Variants in ADAMTS9 observed in about 807,000 individuals in gnomAD.
ADAMTS9 encodes the protein ADAM metallopeptidase with thrombospondin type 1 motif 9.
In ADAMTS9, 107 loss-of-function variants were observed where a neutral mutation model predicts 257.1. The ratio of observed to expected loss-of-function variants is 0.42; its 90% CI spans 0.36 to 0.49. The LOEUF is 0.49. Among genes scored for constraint, ADAMTS9 ranks in the 20% least tolerant of loss-of-function variants. ADAMTS9 has a pLI of 0.03. For missense variants in ADAMTS9, 2,353 were observed against 2,469.1 expected, an observed-to-expected ratio of 0.95 and a Z score of 1.00; for synonymous variants, 982 against 880.9, an observed-to-expected ratio of 1.11 and a Z score of -2.03.
At chr3:64,622,109 A>C in intron 18 of ADAMTS9, 89 bp downstream of exon 18, 1 of 1,350,560 alleles carries the variant, frequency 7.4e-7, no homozygotes, top group African/African-American at 1.5e-5. Flanking sequence ...AAGGGTTTGC[A>C]GTTTGCATGC....
intron 16 of ADAMTS9, among the ~76,000 whole-genome samples, chr3:64,626,492 C>A (rs1345136276): frequency 6.6e-6 from 1 of 152,022 alleles, no homozygotes; most frequent in African/African-American, 2.4e-5. Context: ...GCAAAGCAGC[C>A]ATTTAAAAAT....
intron 25 of ADAMTS9, among the ~76,000 whole-genome samples, chr3:64,602,889 G>A (rs2084491774): frequency 1.3e-5 from 2 of 152,146 alleles, no homozygotes; most frequent in Admixed American, 1.3e-4. Context: ...CATGAAGGTA[G>A]GGGCTTTATT....
Position 64,622,222 on chromosome 3 carries a change from G to T in ADAMTS9, c.2662C>A (p.Gln888Lys). 1.2e-6 allele frequency: 2 copies of T among 1,613,810 alleles called. No individual in the cohort carries two copies. The highest frequency in any genetic ancestry group is 8.5e-7 in the Non-Finnish European group (1 of 1,179,834). The change falls in exon 18 of 40, where the codon CAA becomes AAA. Residue 888 changes from glutamine to lysine, a missense_variant. By Grantham distance (53) the Gln-to-Lys change is moderately conservative (BLOSUM62 1). Transcript: ENST00000498707. ...CCTTGGCAGGGTTTACTGCATGCTT[G>T]CCATGGCCCATGACTGTTCCAGTAA... ...QFYWNSHGPW[Q>K]ACSKPCQGER...
At chr3:64,596,787 A>G in intron 27 of ADAMTS9, 43 bp downstream of exon 27, 1 of 1,608,012 alleles carries the variant, frequency 6.2e-7, no homozygotes. Flanking sequence ...CAGTTTGGTT[A>G]ACACAATTCC....
At chr3:64,568,647 C>T in intron 28 of ADAMTS9, 112 bp from the exon 29 acceptor site, 11 of 1,283,028 alleles carry the variant, frequency 8.6e-6, no homozygotes, top group Non-Finnish European at 1.2e-5. Context: ...TTACCATTCC[C>T]CTCTTTTACA....
At chr3:64,580,391 T>C (rs1252503447) in intron 28 of ADAMTS9, among the ~76,000 whole-genome samples, 1 of 152,176 alleles carries the variant, frequency 6.6e-6, no homozygotes, top group African/African-American at 2.4e-5. Context: ...GTGAATTTGA[T>C]AGAATGAAAT....
At chr3:64,608,783 T>C (rs747649911) in intron 22 of ADAMTS9, among the ~76,000 whole-genome samples, 1 of 151,904 alleles carries the variant, frequency 6.6e-6, no homozygotes, top group Non-Finnish European at 1.5e-5. Context: ...CCTAACTTAT[T>C]CTATGAGGCC....
At chr3:64,628,801 T>C (rs1393661014) in intron 16 of ADAMTS9, among the ~76,000 whole-genome samples, 1 of 152,212 alleles carries the variant, frequency 6.6e-6, no homozygotes, top group Non-Finnish European at 1.5e-5. Context: ...AAAGACAGCA[T>C]TGACAACGGC....
chr3:64,657,508 G>GT (rs1213730226), intron 4 of ADAMTS9, among the ~76,000 whole-genome samples: 6 of 131,812 alleles, frequency 4.6e-5, no homozygotes, highest in South Asian at 2.5e-4. Context: ...CTGGCTAATT[G>GT]GTTTTTTTTT....
At chr3:64,662,034 C>G (rs1193558779) in intron 3 of ADAMTS9, among the ~76,000 whole-genome samples, 1 of 151,792 alleles carries the variant, frequency 6.6e-6, no homozygotes, top group Admixed American at 6.6e-5. Flanking sequence ...TGAGACCTTT[C>G]TTCTTTCTTC....
At chr3:64,665,536 A>G (rs1701332994) in intron 3 of ADAMTS9, among the ~76,000 whole-genome samples, 1 of 152,198 alleles carries the variant, frequency 6.6e-6, no homozygotes, top group South Asian at 2.1e-4. Context: ...ATATTTTTCT[A>G]TTTTTTGCCA....
chr3:64,582,157 A>AT (rs1406050980), intron 28 of ADAMTS9, among the ~76,000 whole-genome samples: 1 of 152,110 alleles, frequency 6.6e-6, no homozygotes, highest in Non-Finnish European at 1.5e-5. Flanking sequence ...AATATATAGC[A>AT]TTTGCCATCT....
chr3:64,608,663 A>G (rs1011169027), intron 22 of ADAMTS9, among the ~76,000 whole-genome samples: 1 of 152,156 alleles, frequency 6.6e-6, no homozygotes, highest in Non-Finnish European at 1.5e-5. Context: ...TTCCTCAAAA[A>G]GTTTGTACCA....
intron 26 of ADAMTS9, among the ~76,000 whole-genome samples, chr3:64,599,263 T>C (rs554989570): frequency 6.6e-6 from 1 of 152,360 alleles, no homozygotes; most frequent in East Asian, 1.9e-4. Context: ...GGATTCTTAG[T>C]TCCATTTCTC....
At chr3:64,554,751 A>G (rs2083309981) in intron 30 of ADAMTS9, among the ~76,000 whole-genome samples, 1 of 152,184 alleles carries the variant, frequency 6.6e-6, no homozygotes, top group Admixed American at 6.5e-5. Context: ...CAGCTCGCCC[A>G]TTGTTCTGCA....
chr3:64,633,931 T>C (rs1344211317), intron 12 of ADAMTS9, 52 bp from the exon 13 acceptor site: 9 of 1,479,590 alleles, frequency 6.1e-6, no homozygotes, highest in South Asian at 1.3e-5. Context: ...CATGTATTCC[T>C]CTGAACATCA....
intron 29 of ADAMTS9, among the ~76,000 whole-genome samples, chr3:64,566,209 G>T (rs2083541692): frequency 6.6e-6 from 1 of 152,062 alleles, no homozygotes; most frequent in African/African-American, 2.4e-5. Context: ...TTTACCACTG[G>T]ATCATTAGGA....
At chr3:64,577,560 A>C (rs181548048) in intron 28 of ADAMTS9, among the ~76,000 whole-genome samples, 173 of 152,304 alleles carry the variant, frequency 1.1e-3, no homozygotes, top group South Asian at 2.5e-3. Context: ...AATTGGTGGG[A>C]AAGCTATGAC....
intron 28 of ADAMTS9, among the ~76,000 whole-genome samples, chr3:64,581,374 T>A (rs2083996000): frequency 6.6e-6 from 1 of 152,158 alleles, no homozygotes; most frequent in Admixed American, 6.5e-5. Context: ...TAATTTCATT[T>A]AAAATTTTAA....
Sources: gnomAD v4.1 joint callset for allele counts (sites outside exome capture counted in the v4.1 genomes callset) on GRCh38, gnomAD v4.1.1 for gene constraint, MANE v1.5 for transcripts, NCBI Gene and HGNC (gene_info 2026-07-23, HGNC 2026-07-21) for gene names.